The following CRTC3 variants were observed in gnomAD, a reference collection of about 807,000 sequenced individuals.
CRTC3 encodes CREB-regulated transcription coactivator 3.
Under a neutral mutation model 74.5 loss-of-function variants are expected in CRTC3, and 26 were observed. The observed-to-expected ratio is 0.35, with a 90% CI of 0.26 to 0.48. The LOEUF (loss-of-function observed/expected upper bound fraction) is 0.48, where lower values mean the gene tolerates loss of function less well. Ranked by LOEUF, CRTC3 falls within the 20% of genes least tolerant of loss-of-function variation. CRTC3 has a pLI of 0.99. For missense variants in CRTC3, 760 were observed against 787.3 expected, an observed-to-expected ratio of 0.97 and a Z score of 0.41; for synonymous variants, 377 against 325.8, an observed-to-expected ratio of 1.16 and a Z score of -1.69.
At chr15:90,588,859 C>T (rs1024232091) in intron 2 of CRTC3, among the ~76,000 whole-genome samples, 1 of 152,116 alleles carries the variant, frequency 6.6e-6, no homozygotes, top group Non-Finnish European at 1.5e-5. Context: ...TCCGGGTATC[C>T]CTGGGACAAG....
chr15:90,609,213 A>T (rs1285441265), intron 6 of CRTC3, among the ~76,000 whole-genome samples: 1 of 152,196 alleles, frequency 6.6e-6, no homozygotes, highest in African/African-American at 2.4e-5. Context: ...GAGCTTTCAG[A>T]ATTGGTTAGG....
At chr15:90,600,842 A>G (rs542016179) in intron 3 of CRTC3, among the ~76,000 whole-genome samples, 1 of 152,364 alleles carries the variant, frequency 6.6e-6, no homozygotes, top group South Asian at 2.1e-4. Flanking sequence ...TAATCCAATC[A>G]GTGATCCAGG....
chr15:90,614,806 G>A (rs1391874718), intron 7 of CRTC3, among the ~76,000 whole-genome samples: 1 of 152,228 alleles, frequency 6.6e-6, no homozygotes, highest in Non-Finnish European at 1.5e-5. Flanking sequence ...GCTCATGCCT[G>A]TAATCCCAGC....
At chr15:90,547,668 A>C (rs907036605) in intron 2 of CRTC3, among the ~76,000 whole-genome samples, 1 of 152,168 alleles carries the variant, frequency 6.6e-6, no homozygotes, top group African/African-American at 2.4e-5. Context: ...GGCCTGGCAC[A>C]CATACACTGA....
chr15:90,607,359 TCTCTC>T lies in CRTC3; in HGVS notation c.477-15_477-11del. 1 of 1,511,308 alleles carries T rather than the reference TCTCTC, an allele frequency of 6.6e-7. No homozygotes were observed. Among genetic ancestry groups the T allele is most frequent in the Non-Finnish European group, 9.1e-7 (1 of 1,096,224 alleles). The allele number at this position is 1,511,308 out of a possible 1,614,324, so 93.6% of individuals were successfully genotyped here. On this transcript the variant is annotated splice_polypyrimidine_tract_variant and intron_variant, in intron 5 of 14. Transcript: ENST00000268184. ...AAGGAAAACGGATTTTCAGCCAGCC[TCTCTC>T]CTCCCCTCCTTAGGACCAATTCTGA...
At chr15:90,589,084 TCTTACTC>T (rs1967736593) in intron 2 of CRTC3, among the ~76,000 whole-genome samples, 1 of 152,074 alleles carries the variant, frequency 6.6e-6, no homozygotes, top group Non-Finnish European at 1.5e-5. Flanking sequence ...TGAGACAGAG[TCTTACTC>T]TGTCACCCAG....
intron 3 of CRTC3, chr15:90,595,360 C>G (rs1444910677): frequency 6.6e-6 from 1 of 152,060 alleles, no homozygotes; most frequent in Non-Finnish European, 1.5e-5. Context: ...ATCACGAGGT[C>G]AGGAGATTGA....
chr15:90,537,700 A>G (rs1028138241), intron 1 of CRTC3, among the ~76,000 whole-genome samples: 2 of 152,032 alleles, frequency 1.3e-5, no homozygotes, highest in African/African-American at 4.8e-5. Context: ...TTTGAGACAG[A>G]GTCTCACTGT....
intron 2 of CRTC3, among the ~76,000 whole-genome samples, chr15:90,589,753 G>A (rs7164690): frequency 0.036 from 5,509 of 152,246 alleles, 264 homozygotes; most frequent in East Asian, 0.12. Flanking sequence ...TTGGGAGGCC[G>A]AGGCATGTGG....
rs1370356060 is a variant in CRTC3 at position 90,644,372 on chromosome 15, C to G, written c.*2232C>G. The G allele has an allele frequency of 8.7e-6, 2 of 230,770 alleles. No individual in the cohort carries two copies. The highest frequency in any genetic ancestry group is 1.8e-4 in the South Asian group (1 of 5,500). The allele number at this position is 230,770 out of a possible 1,614,324, so 14.3% of individuals were successfully genotyped here. Reference sequence around the variant, plus strand: ...TTTCAAGAATTGTGTTTTTATAAAACAGAGGTCTCAGCATAGTCACTCTTC... The same window carrying G: ...TTTCAAGAATTGTGTTTTTATAAAAGAGAGGTCTCAGCATAGTCACTCTTC... On this transcript the variant is annotated 3_prime_UTR_variant, in exon 15 of 15. Coordinates refer to ENST00000268184, the MANE Select transcript of CRTC3 (RefSeq NM_022769.5).
chr15:90,593,893 G>A (rs1015065327), intron 3 of CRTC3, 138 bp downstream of exon 3: 3 of 819,294 alleles, frequency 3.7e-6, no homozygotes, highest in Admixed American at 3.4e-5. Flanking sequence ...AAATAAATGA[G>A]TTGGAAACTA....
chr15:90,600,799 A>T (rs958017683), intron 3 of CRTC3, among the ~76,000 whole-genome samples: 1 of 152,232 alleles, frequency 6.6e-6, no homozygotes, highest in Non-Finnish European at 1.5e-5. Flanking sequence ...GTTTGGGATG[A>T]AAAGTATTAT....
rs554647421 is a variant in CRTC3 at position 90,538,767 on chromosome 15, C to G, written c.133-1272C>G. On this transcript the variant is annotated intron_variant, in intron 1 of 14. Transcript: ENST00000268184. ...TCAACAATGCTTTTGGTAAACCAAACTTCACCTTTTTTTTTTTTTTGAGTT... is the reference window on the plus strand; with the variant it reads ...TCAACAATGCTTTTGGTAAACCAAAGTTCACCTTTTTTTTTTTTTTGAGTT... Among the ~76,000 whole-genome samples, 346 of 114,380 alleles carry G rather than the reference C, an allele frequency of 3.0e-3. 2 individuals are homozygous for G. Among genetic ancestry groups the G allele is most frequent in the African/African-American group, 0.011 (329 of 28,760 alleles). 75.0% of individuals were successfully genotyped at this position (114,380 alleles called of 152,430 possible).
At chr15:90,630,080 A>G (rs1444118548) in intron 11 of CRTC3, among the ~76,000 whole-genome samples, 2 of 152,198 alleles carry the variant, frequency 1.3e-5, no homozygotes, top group East Asian at 3.9e-4. Context: ...TTACTCTTTA[A>G]GCAAATGTTG....
At chr15:90,614,415 A>G (rs1260685163) in intron 6 of CRTC3, 38 bp from the exon 7 acceptor site, 1 of 1,493,226 alleles carries the variant, frequency 6.7e-7, no homozygotes, top group South Asian at 1.2e-5. Flanking sequence ...AGTACCACAT[A>G]AAAGTGTTTT....
At chr15:90,633,870 G>C (rs1299578173) in intron 11 of CRTC3, among the ~76,000 whole-genome samples, 1 of 151,572 alleles carries the variant, frequency 6.6e-6, no homozygotes, top group Non-Finnish European at 1.5e-5. Context: ...CACTTCTGTT[G>C]AGTTTTCCAT....
rs188446506 is a variant in CRTC3 at position 90,626,700 on chromosome 15, T to G, written c.967+707T>G. ...GATCTCAGCTCGCTGCAACCTCTGC[T>G]TCCCAGGTTCAAGCAATTCTTCTGC... On this transcript the variant is annotated intron_variant, in intron 10 of 14. Transcript: ENST00000268184. Among the ~76,000 whole-genome samples the G allele has an allele frequency of 3.3e-5, 5 of 151,272 alleles. No individual in the cohort carries two copies. The East Asian group carries it at 9.7e-4, about 29-fold the overall frequency.
Position 90,571,239 on chromosome 15 carries a change from C to T in CRTC3, c.232-22397C>T, listed in dbSNP as rs375225968. 1.8e-3 allele frequency among the ~76,000 whole-genome samples: 270 copies of T among 152,204 alleles called. 9 individuals are homozygous for T. In the South Asian group the frequency reaches 0.054, roughly 30 times the overall value. On this transcript the variant is annotated intron_variant, in intron 2 of 14. Coordinates refer to ENST00000268184, the MANE Select transcript of CRTC3 (RefSeq NM_022769.5). Reference sequence around the variant, plus strand: ...GTCATTGTGACACCATGTGACAAACCCACAATAGAGGAGTTCAGAGAGTGG... The same window carrying T: ...GTCATTGTGACACCATGTGACAAACTCACAATAGAGGAGTTCAGAGAGTGG...
At chr15:90,600,666 TTAAA>T (rs1405225108) in intron 3 of CRTC3, 9 of 152,190 alleles carry the variant, frequency 5.9e-5, no homozygotes, top group African/African-American at 1.9e-4. Context: ...AGGATTGAGG[TTAAA>T]TAAAGTGTGA....
Sources: allele counts gnomAD v4.1 joint callset (sites outside exome capture counted in the v4.1 genomes callset), GRCh38; gene constraint gnomAD v4.1.1; transcripts MANE v1.5; gene names NCBI Gene and HGNC (gene_info 2026-07-23, HGNC 2026-07-21).